The following SEMA3C variants were observed in gnomAD, a reference collection of about 807,000 sequenced individuals.
SEMA3C encodes the protein semaphorin 3C.
SEMA3C carries 47 observed loss-of-function variants against 89.4 expected under a neutral mutation model. That is an observed-to-expected ratio of 0.53 (90% CI 0.42 to 0.67). SEMA3C has a LOEUF of 0.67. SEMA3C is among the 30% of genes least tolerant of loss of function. The pLI, the probability that SEMA3C is intolerant of heterozygous loss-of-function variation, is 0.00. For missense variants in SEMA3C, 839 were observed against 929.1 expected (o/e 0.90, Z 1.26); for synonymous variants, 310 against 320.2 (o/e 0.97, Z 0.34).
intron 12 of SEMA3C, among the ~76,000 whole-genome samples, chr7:80,772,847 G>C (rs1269035081): frequency 1.3e-5 from 2 of 152,022 alleles, no homozygotes; most frequent in African/African-American, 4.8e-5. Flanking sequence ...TTAGCACCTA[G>C]AGTCATGTTC....
At chr7:80,908,918 A>T (rs1562981116) in intron 2 of SEMA3C, among the ~76,000 whole-genome samples, 1 of 152,240 alleles carries the variant, frequency 6.6e-6, no homozygotes, top group Non-Finnish European at 1.5e-5. Context: ...AATTTAAAAT[A>T]AGAAAACATA....
chr7:80,753,626 C>A lies in SEMA3C; in HGVS notation c.1644-2290G>T, dbSNP rs146798266. On this transcript the variant is annotated intron_variant, in intron 15 of 17. Coordinates refer to ENST00000265361, the MANE Select transcript of SEMA3C (RefSeq NM_006379.5). ...TGGCACTCACATAGCATCAAAAAAA[C>A]ATGCTGGTAGGCAGAGTAATATTGT... Among the ~76,000 whole-genome samples the A allele has an allele frequency of 5.3e-3, 802 of 152,272 alleles. 9 individuals carry two copies. The highest frequency in any genetic ancestry group is 0.018 in the African/African-American group (758 of 41,552).
At chr7:80,919,569 TG>T (rs1792369941), upstream of SEMA3C, among the ~76,000 whole-genome samples, 1 of 137,338 alleles carries the variant, frequency 7.3e-6, no homozygotes, top group African/African-American at 3.4e-5. Context: ...GTTTTTTTTT[TG>T]TTTTTTGTTT....
In SEMA3C at chr7:80,761,636, T is replaced by C; in HGVS notation, c.1465A>G (p.Met489Val). Residue 489 changes from methionine (M) to valine (V), a missense_variant, in exon 14 of 18, where the codon ATG becomes GTG. Transcript: ENST00000265361. ...VFKNHAPITT[M>V]KISSKKQQLY... ...TTTACCTTTTTAGATGAAATTTTCA[T>C]TGTTGTTATAGGAGCATGATTCTAA... 1 of 1,347,106 alleles carries C rather than the reference T, an allele frequency of 7.4e-7. No individual in the cohort carries two copies. The highest frequency in any genetic ancestry group is 1.0e-6 in the Non-Finnish European group (1 of 973,744). 83.4% of individuals were successfully genotyped at this position (1,347,106 alleles called of 1,614,324 possible).
At chr7:80,880,985 C>T (rs1791323551) in intron 2 of SEMA3C, among the ~76,000 whole-genome samples, 1 of 152,026 alleles carries the variant, frequency 6.6e-6, no homozygotes, top group South Asian at 2.1e-4. Context: ...TCATCATACC[C>T]TTTAAGGGAG....
intron 2 of SEMA3C, among the ~76,000 whole-genome samples, chr7:80,834,021 C>T (rs1471336967): frequency 6.6e-6 from 1 of 152,146 alleles, no homozygotes; most frequent in African/African-American, 2.4e-5. Context: ...TTTAACCTCA[C>T]AATGATGTCA....
intron 2 of SEMA3C, among the ~76,000 whole-genome samples, chr7:80,915,124 T>C (rs1464510355): frequency 6.6e-6 from 1 of 152,198 alleles, no homozygotes; most frequent in Non-Finnish European, 1.5e-5. Context: ...GAGGGGAAAT[T>C]GCACTACTTC....
In SEMA3C at chr7:80,751,483, A is replaced by G. The variant is rs1435952669; in HGVS notation, c.1644-147T>C. 6 of 646,524 alleles carry G rather than the reference A, an allele frequency of 9.3e-6. No homozygotes were observed. In the Admixed American group the frequency reaches 1.2e-4, roughly 13 times the overall value. 40.0% of individuals were successfully genotyped at this position (646,524 alleles called of 1,614,324 possible). On this transcript the variant is annotated intron_variant, in intron 15 of 17. Transcript: ENST00000265361. Reference sequence around the variant, plus strand: ...AAAAAGAGTTCTGATTGATGCAGCTATCTCACATTTCTTATACAATTTATC... The same window carrying G: ...AAAAAGAGTTCTGATTGATGCAGCTGTCTCACATTTCTTATACAATTTATC...
intron 2 of SEMA3C, among the ~76,000 whole-genome samples, chr7:80,861,688 G>A (rs191159022): frequency 3.7e-4 from 57 of 152,190 alleles, no homozygotes; most frequent in African/African-American, 1.1e-3. Flanking sequence ...ATATTTTTGC[G>A]TAAGTATTCT....
At chr7:80,754,348 TG>T (rs1303768061) in intron 15 of SEMA3C, among the ~76,000 whole-genome samples, 1 of 152,234 alleles carries the variant, frequency 6.6e-6, no homozygotes, top group African/African-American at 2.4e-5. Flanking sequence ...TGTATTTCTC[TG>T]TTTGTACACA....
intron 6 of SEMA3C, among the ~76,000 whole-genome samples, chr7:80,808,844 G>A (rs1258566198): frequency 4.6e-5 from 7 of 152,030 alleles, no homozygotes; most frequent in East Asian, 1.9e-4. Context: ...TCGTGATCTC[G>A]GCTCACCACA....
chr7:80,863,186 C>T (rs867431726), intron 2 of SEMA3C, among the ~76,000 whole-genome samples: 33 of 150,322 alleles, frequency 2.2e-4, no homozygotes, highest in African/African-American at 7.1e-4. Flanking sequence ...GAGCCAAGAT[C>T]GTGCCATTGC....
At chr7:80,872,522 G>C (rs1041169356) in intron 2 of SEMA3C, among the ~76,000 whole-genome samples, 1 of 151,770 alleles carries the variant, frequency 6.6e-6, no homozygotes, top group African/African-American at 2.4e-5. Flanking sequence ...CTGAATTCTC[G>C]GCCGGGCGTG....
intron 2 of SEMA3C, among the ~76,000 whole-genome samples, chr7:80,852,471 A>G (rs1051594607): frequency 2.0e-5 from 3 of 152,198 alleles, no homozygotes; most frequent in African/African-American, 7.2e-5. Flanking sequence ...AGCACTAAGC[A>G]AAAACGGGAT....
At chr7:80,746,627 T>TG (rs1195296660) in intron 17 of SEMA3C, among the ~76,000 whole-genome samples, 1 of 151,588 alleles carries the variant, frequency 6.6e-6, no homozygotes, top group Non-Finnish European at 1.5e-5. Flanking sequence ...TAGATGGCTT[T>TG]GAAAAAAAAC....
chr7:80,759,319 G>T (rs1788134090), intron 14 of SEMA3C, among the ~76,000 whole-genome samples: 1 of 152,116 alleles, frequency 6.6e-6, no homozygotes, highest in African/African-American at 2.4e-5. Context: ...TTGTATGGGT[G>T]TGTGTGTACT....
chr7:80,884,314 G>C (rs1435409132), intron 2 of SEMA3C, among the ~76,000 whole-genome samples: 4 of 152,082 alleles, frequency 2.6e-5, no homozygotes, highest in Non-Finnish European at 4.4e-5. Flanking sequence ...GAGTCTCTTA[G>C]TGAAAGCATC....
chr7:80,765,791 A>T (rs191824690), intron 12 of SEMA3C, among the ~76,000 whole-genome samples: 1 of 152,110 alleles, frequency 6.6e-6, no homozygotes, highest in East Asian at 1.9e-4. Flanking sequence ...GTTAGCCAGG[A>T]TGGTCTCAAT....
intron 11 of SEMA3C, among the ~76,000 whole-genome samples, chr7:80,795,208 T>G (rs1442249077): frequency 6.6e-6 from 1 of 152,120 alleles, no homozygotes; most frequent in East Asian, 1.9e-4. Context: ...ACCCTGGAAG[T>G]GCAACGAAGA....
Sources: allele counts gnomAD v4.1 joint callset (sites outside exome capture counted in the v4.1 genomes callset), GRCh38; gene constraint gnomAD v4.1.1; transcripts MANE v1.5; gene names NCBI Gene and HGNC (gene_info 2026-07-23, HGNC 2026-07-21).